The following HDAC4 variants were observed in gnomAD, a reference collection of about 807,000 sequenced individuals.
The protein encoded by HDAC4 is histone deacetylase A.
A neutral mutation model predicts 135.1 loss-of-function variants in HDAC4; 16 were observed. That is an observed-to-expected ratio of 0.12 (90% CI 0.08 to 0.18). The LOEUF is 0.18. HDAC4 is among the 10% of genes least tolerant of loss of function. HDAC4 has a pLI of 1.00. For synonymous variants in HDAC4, 685 were observed against 653.4 expected (o/e 1.05, Z -0.74); for missense variants, 1,143 against 1,511.8 (o/e 0.76, Z 4.05).
intron 2 of HDAC4, among the ~76,000 whole-genome samples, chr2:239,310,265 G>A (rs535531694): frequency 7.9e-5 from 12 of 152,324 alleles, no homozygotes; most frequent in Non-Finnish European, 1.8e-4. Flanking sequence ...GTGACTTGGG[G>A]GTCTGGTTTG....
chr2:239,115,149 C>T lies in HDAC4; in HGVS notation c.1695G>A (p.Gln565=). 1 of 1,611,644 alleles carries T rather than the reference C, an allele frequency of 6.2e-7. No homozygotes were observed. Among genetic ancestry groups the T allele is most frequent in the Non-Finnish European group, 8.5e-7 (1 of 1,179,962 alleles). ...AHAQAGVQVK[Q]EPIESDEEEA... ...CTTCCTCATCGCTCTCAATGGGCTC[C>T]TGCTTCACCTGCACGCCGGCCTGTG... The change falls in exon 13 of 27, where the codon CAG becomes CAA. Residue 565 remains glutamine (Q), a synonymous_variant. Coordinates refer to ENST00000543185, the MANE Select transcript of HDAC4 (RefSeq NM_001378414.1). This position sits in a 1 kb window ranked among gnomAD's most constrained non-coding sequence, Gnocchi z 6.3.
At chr2:239,198,969 G>C (rs2045579737) in intron 3 of HDAC4, among the ~76,000 whole-genome samples, 1 of 152,160 alleles carries the variant, frequency 6.6e-6, no homozygotes, top group Non-Finnish European at 1.5e-5. Context: ...GGACAAGTCT[G>C]TAATATTATG....
rs369070332 is a variant in HDAC4 at position 239,309,716 on chromosome 2, G to T, written c.22+42962C>A. ...GCCAGCAAGTATCCTGGGAGCTGGGGGGCCTCAAGGGAGGCAATCCCCCCA... is the reference window on the plus strand; with the variant it reads ...GCCAGCAAGTATCCTGGGAGCTGGGTGGCCTCAAGGGAGGCAATCCCCCCA... On this transcript the variant is annotated intron_variant, in intron 2 of 26. Transcript: ENST00000543185. This position sits in a 1 kb window ranked among gnomAD's most constrained non-coding sequence, Gnocchi z 4.2. 6.6e-6 allele frequency among the ~76,000 whole-genome samples: 1 copy of T among 152,204 alleles called. No homozygotes were observed. Among genetic ancestry groups the T allele is most frequent in the African/African-American group, 2.4e-5 (1 of 41,454 alleles).
chr2:239,098,899 C>T (rs1300574236), intron 16 of HDAC4, among the ~76,000 whole-genome samples: 1 of 152,152 alleles, frequency 6.6e-6, no homozygotes, highest in Non-Finnish European at 1.5e-5. Flanking sequence ...GGCATCCTCA[C>T]AGGAATGTGA....
intron 2 of HDAC4, among the ~76,000 whole-genome samples, chr2:239,321,994 A>G (rs2053332134): frequency 6.6e-6 from 1 of 152,216 alleles, no homozygotes; most frequent in South Asian, 2.1e-4. Flanking sequence ...GCGGAAGTAC[A>G]CTCCACAGAG....
intron 4 of HDAC4, among the ~76,000 whole-genome samples, chr2:239,181,240 C>T (rs1490553546): frequency 6.6e-6 from 1 of 152,210 alleles, no homozygotes; most frequent in Non-Finnish European, 1.5e-5. Context: ...GATAGAAGAG[C>T]TGCAGAGGTG....
chr2:239,171,365 A>G (rs923785733), intron 5 of HDAC4, among the ~76,000 whole-genome samples: 1 of 152,228 alleles, frequency 6.6e-6, no homozygotes, highest in African/African-American at 2.4e-5. Flanking sequence ...GTAAAATCCA[A>G]TGGATGAGTT....
chr2:239,122,746 G>C (rs924369957), intron 12 of HDAC4, among the ~76,000 whole-genome samples: 182 of 152,326 alleles, frequency 1.2e-3, no homozygotes, highest in African/African-American at 4.3e-3. Flanking sequence ...GGCTAGGCAC[G>C]GGCCGCCTCT....
At chr2:239,123,266 C>T (rs1451252914) in intron 12 of HDAC4, among the ~76,000 whole-genome samples, 1 of 152,226 alleles carries the variant, frequency 6.6e-6, no homozygotes, top group East Asian at 1.9e-4. Flanking sequence ...AGTAAAGATG[C>T]CTGGCAGGCG....
At chr2:239,084,940 T>C (rs1278924523) in intron 19 of HDAC4, among the ~76,000 whole-genome samples, 2 of 101,492 alleles carry the variant, frequency 2.0e-5, no homozygotes, top group East Asian at 3.3e-4. Context: ...ACAGAAACAC[T>C]CACACACACA....
chr2:239,113,263 C>G (rs1216795802), intron 13 of HDAC4, among the ~76,000 whole-genome samples: 1 of 151,996 alleles, frequency 6.6e-6, no homozygotes. Context: ...CACACACACA[C>G]AAAAGGAATC....
In HDAC4 at chr2:239,139,280, C is replaced by G. The variant is rs552687134; in HGVS notation, c.978+404G>C. On this transcript the variant is annotated intron_variant, in intron 9 of 26. Transcript: ENST00000543185. The surrounding 1 kb of genome is among the most constrained non-coding windows in gnomAD (Gnocchi z 5.3). ...AAGTCTCACTTAGCAACTATACCCA[C>G]GTGCCCACGGCCTCTCAGCCACCCT... is the stretch of plus-strand genomic sequence containing the variant. 1.2e-4 allele frequency among the ~76,000 whole-genome samples: 18 copies of G among 152,352 alleles called. No homozygotes were observed. The highest frequency in any genetic ancestry group is 4.1e-4 in the African/African-American group (17 of 41,586).
Position 239,115,317 on chromosome 2 carries a change from G to C in HDAC4, c.1534-7C>G. The C allele has an allele frequency of 6.2e-7, 1 of 1,613,112 alleles. No individual in the cohort carries two copies. The highest frequency in any genetic ancestry group is 8.5e-7 in the Non-Finnish European group (1 of 1,179,990). On this transcript the variant is annotated splice_polypyrimidine_tract_variant and splice_region_variant and intron_variant, in intron 12 of 26. Transcript: ENST00000543185. The surrounding 1 kb of genome is among the most constrained non-coding windows in gnomAD (Gnocchi z 6.3). ...CGCTTGGCTTGGGGATGATCTGCAAGGCGGAGGTAACACATGAAGCACAGA... is the reference window on the plus strand; with the variant it reads ...CGCTTGGCTTGGGGATGATCTGCAACGCGGAGGTAACACATGAAGCACAGA...
intron 20 of HDAC4, 143 bp from the exon 21 acceptor site, chr2:239,082,364 C>G (rs2035423758): frequency 9.1e-7 from 1 of 1,099,460 alleles, no homozygotes; most frequent in Non-Finnish European, 1.4e-6. Flanking sequence ...GGGCCCGTAC[C>G]CGGCAGGCGC....
intron 3 of HDAC4, chr2:239,190,962 T>C (rs912252429): frequency 4.3e-6 from 2 of 465,848 alleles, no homozygotes; most frequent in African/African-American, 4.0e-5. Flanking sequence ...AAGCATGCAG[T>C]GTGTGCAGGC....
chr2:239,197,847 TTGTGTG>T (rs368801140), intron 3 of HDAC4, among the ~76,000 whole-genome samples: 5,918 of 140,192 alleles, frequency 0.042, 176 homozygotes, highest in Non-Finnish European at 0.061. Context: ...CACTAAAAGT[TTGTGTG>T]TGTGTGTGTG....
At chr2:239,079,389 C>T (rs1676080626) in intron 22 of HDAC4, among the ~76,000 whole-genome samples, 1 of 152,208 alleles carries the variant, frequency 6.6e-6, no homozygotes, top group Non-Finnish European at 1.5e-5. Flanking sequence ...GGGCTCACTG[C>T]CGGAGCAGCC....
chr2:239,208,016 T>A (rs984452778), intron 3 of HDAC4, among the ~76,000 whole-genome samples: 2,622 of 152,094 alleles, frequency 0.017, 59 homozygotes, highest in African/African-American at 0.06. Context: ...CACCTGGTGT[T>A]TTAACACAAG....
At chr2:239,271,166 T>C (rs1472112628) in intron 2 of HDAC4, among the ~76,000 whole-genome samples, 1 of 152,188 alleles carries the variant, frequency 6.6e-6, no homozygotes, top group Non-Finnish European at 1.5e-5. Flanking sequence ...CAGGCTGGAA[T>C]GCAGTGGTGT....
Sources: allele counts gnomAD v4.1 joint callset (sites outside exome capture counted in the v4.1 genomes callset), GRCh38; gene constraint gnomAD v4.1.1; non-coding constraint Gnocchi (gnomAD v3.1); transcripts MANE v1.5; gene names NCBI Gene and HGNC (gene_info 2026-07-23, HGNC 2026-07-21).